SEPTIN9: variants seen among roughly 807,000 people sequenced by gnomAD.
SEPTIN9 encodes the protein septin-9.
In SEPTIN9, 13 loss-of-function variants were observed where a neutral mutation model predicts 56.6. That is an observed-to-expected ratio of 0.23 (90% CI 0.15 to 0.37). SEPTIN9 has a LOEUF of 0.37. Ranked by LOEUF, SEPTIN9 falls within the 10% of genes least tolerant of loss-of-function variation. The pLI, the probability that SEPTIN9 is intolerant of heterozygous loss-of-function variation, is 1.00. For synonymous variants in SEPTIN9, 332 were observed against 334.1 expected, an observed-to-expected ratio of 0.99 and a Z score of 0.07; for missense variants, 650 against 823.1, an observed-to-expected ratio of 0.79 and a Z score of 2.57.
At chr17:77,359,840 C>A (rs575915540) in intron 2 of SEPTIN9, among the ~76,000 whole-genome samples, 1 of 150,384 alleles carries the variant, frequency 6.6e-6, no homozygotes, top group Non-Finnish European at 1.5e-5. Flanking sequence ...GAAAAAAAAT[C>A]ATGAGCACAT....
intron 3 of SEPTIN9, among the ~76,000 whole-genome samples, chr17:77,413,964 T>TCTCC (rs1667703202): frequency 6.8e-6 from 1 of 148,048 alleles, no homozygotes. Flanking sequence ...TTTTCCCCTC[T>TCTCC]CTCTTTTTTT....
rs181051915 is a variant in SEPTIN9, at chr17:77,363,215, G to C, written c.77-38844G>C. On this transcript the variant is annotated intron_variant, in intron 2 of 11. Transcript: ENST00000427177. ...GGACCCAAGACCCTGGGGAAGGCAC[G>C]AGTCAGGGGCCTGCTAGAGCCAGGA... 3.2e-3 allele frequency among the ~76,000 whole-genome samples: 480 copies of C among 152,242 alleles called. 1 individual carries two copies. The highest frequency in any genetic ancestry group is 0.011 in the African/African-American group (438 of 41,526).
Position 77,307,160 on chromosome 17 carries a change from T to TGGCCGGCTCCGGA in SEPTIN9, c.43_55dup (p.Leu19ProfsTer7). 1 of 1,613,938 alleles carries TGGCCGGCTCCGGA rather than the reference T, an allele frequency of 6.2e-7. No individual in the cohort carries two copies. The highest frequency in any genetic ancestry group is 8.5e-7 in the Non-Finnish European group (1 of 1,179,878). On this transcript the variant is annotated frameshift_variant, in exon 2 of 12. Transcript: ENST00000427177. LOFTEE classifies it high-confidence loss of function. Reference sequence around the variant, plus strand: ...CTTTAGGAGGCACGCGGACCTCCAGTGGCCGGCTCCGGAGGCTTGGTGACT... The same window carrying TGGCCGGCTCCGGA: ...CTTTAGGAGGCACGCGGACCTCCAGTGGCCGGCTCCGGAGGCCGGCTCCGGAGGCTTGGTGACT...
At position 77,487,893 on chromosome 17, in the gene SEPTIN9, A is replaced by G. The variant is rs1222402813; in HGVS notation, c.1042+341A>G. Among the ~76,000 whole-genome samples the G allele has an allele frequency of 6.6e-6, 1 of 152,124 alleles. No individual in the cohort carries two copies. Among genetic ancestry groups the G allele is most frequent in the Non-Finnish European group, 1.5e-5 (1 of 68,006 alleles). Reference sequence around the variant, plus strand: ...GGTGTGAGGGTGCCCGAGTCAGGCAATCCCAGGTCCCCAAGACGGGGACTC... The same window carrying G: ...GGTGTGAGGGTGCCCGAGTCAGGCAGTCCCAGGTCCCCAAGACGGGGACTC... On this transcript the variant is annotated intron_variant, in intron 5 of 11. Transcript: ENST00000427177. The surrounding 1 kb of genome is among the most constrained non-coding windows in gnomAD (Gnocchi z 4.3).
intron 2 of SEPTIN9, among the ~76,000 whole-genome samples, chr17:77,341,807 G>T (rs1358051276): frequency 6.6e-6 from 1 of 150,386 alleles, no homozygotes; most frequent in Non-Finnish European, 1.5e-5. Flanking sequence ...AAAGGGCCGG[G>T]CGCAGTGGCT....
At chr17:77,382,023 TTTTC>T (rs571364407) in intron 2 of SEPTIN9, among the ~76,000 whole-genome samples, 7 of 152,034 alleles carry the variant, frequency 4.6e-5, no homozygotes, top group East Asian at 1.9e-4. Context: ...CTTTTTTTCT[TTTTC>T]TTTCTTTCTT....
intron 1 of SEPTIN9, among the ~76,000 whole-genome samples, chr17:77,298,077 C>A (rs2031893531): frequency 6.6e-6 from 1 of 152,170 alleles, no homozygotes; most frequent in Non-Finnish European, 1.5e-5. Context: ...GATGGAGGAC[C>A]CTCCCTCCAA....
rs112393446 is a variant in SEPTIN9 at position 77,489,566 on chromosome 17, G to A, written c.1262+702G>A. 4.4e-3 allele frequency among the ~76,000 whole-genome samples: 669 copies of A among 152,290 alleles called. 5 individuals are homozygous for A. The highest frequency in any genetic ancestry group is 0.015 in the African/African-American group (620 of 41,558). On this transcript the variant is annotated intron_variant, in intron 7 of 11. Coordinates refer to ENST00000427177, the MANE Select transcript of SEPTIN9 (RefSeq NM_001113491.2). ...GCAGGAGTGGCTGGTGGAGGCAGCC[G>A]TGGGTGGCTTGTCTGCATGGGTGGG...
chr17:77,486,872 G>C (rs1420902420), intron 4 of SEPTIN9, among the ~76,000 whole-genome samples: 1 of 152,212 alleles, frequency 6.6e-6, no homozygotes, highest in East Asian at 1.9e-4. Context: ...GCTCACACCA[G>C]CTCCACGGGG....
At chr17:77,466,639 C>T (rs2038745880) in intron 3 of SEPTIN9, 2 of 961,540 alleles carry the variant, frequency 2.1e-6, no homozygotes, top group East Asian at 2.3e-4. Flanking sequence ...AGGCCAGGAC[C>T]AGAAGGCACA....
rs1568117595 is a variant in SEPTIN9 at position 77,488,873 on chromosome 17, C to T, written c.1262+9C>T. 1.2e-6 allele frequency: 2 copies of T among 1,613,196 alleles called. No individual in the cohort carries two copies. The highest frequency in any genetic ancestry group is 3.3e-5 in the Admixed American group (2 of 60,008). ...CCCGCCACCGGCCACTCGTACGTCC[C>T]TGCAGTGTCGGCGTCCTCATGCCGG... is the stretch of plus-strand genomic sequence containing the variant. On this transcript the variant is annotated intron_variant, in intron 7 of 11. Transcript: ENST00000427177.
chr17:77,443,343 G>T (rs1410176983), intron 3 of SEPTIN9, among the ~76,000 whole-genome samples: 1 of 152,116 alleles, frequency 6.6e-6, no homozygotes, highest in African/African-American at 2.4e-5. Context: ...CTACAAAGTG[G>T]TCATCACACG....
chr17:77,281,677 A>C, intron 1 of SEPTIN9, 123 bp downstream of exon 1: 1 of 966,552 alleles, frequency 1.0e-6, no homozygotes, highest in South Asian at 1.7e-5. Context: ...CGGCGGGCAC[A>C]CTGCAGGTCG....
At position 77,293,576 on chromosome 17, in the gene SEPTIN9, T is replaced by A. The variant is rs539864728; in HGVS notation, c.19+12022T>A. On this transcript the variant is annotated intron_variant, in intron 1 of 11. Transcript: ENST00000427177. ...GGCAATCAGCAGGAAATCAAAGTGG[T>A]GTGGGCTTATACAGCCCTCTAAAGG... Among the ~76,000 whole-genome samples, 4 of 152,298 alleles carry A rather than the reference T, an allele frequency of 2.6e-5. No individual in the cohort carries two copies. The East Asian group carries it at 7.7e-4, about 29-fold the overall frequency.
At chr17:77,328,260 G>T (rs1200695902) in intron 2 of SEPTIN9, among the ~76,000 whole-genome samples, 1 of 152,242 alleles carries the variant, frequency 6.6e-6, no homozygotes, top group Non-Finnish European at 1.5e-5. Flanking sequence ...CCACCAACAG[G>T]TGTCAGCTGT....
intron 3 of SEPTIN9, among the ~76,000 whole-genome samples, chr17:77,440,526 T>C (rs576220224): frequency 6.6e-6 from 1 of 152,344 alleles, no homozygotes; most frequent in South Asian, 2.1e-4. Flanking sequence ...AAGGCACAGA[T>C]ACATGAAGCT....
chr17:77,411,305 A>G (rs1037127325), intron 3 of SEPTIN9, among the ~76,000 whole-genome samples: 5 of 152,224 alleles, frequency 3.3e-5, no homozygotes, highest in African/African-American at 1.2e-4. Flanking sequence ...TCAAGAACAC[A>G]AAGGAAATCA....
At chr17:77,332,881 C>G (rs539472951) in intron 2 of SEPTIN9, among the ~76,000 whole-genome samples, 18 of 152,288 alleles carry the variant, frequency 1.2e-4, no homozygotes, top group Admixed American at 2.0e-4. Context: ...TTGAAAGACC[C>G]CTGGCTGTTT....
rs1249738398 is a variant in SEPTIN9, at chr17:77,329,215, G to T, written c.76+22018G>T. ...CAGGGGCAGGCAGGGAGGCCTGCTA[G>T]GGAGGAGGCTGCTGCAGGCCCTGCA... On this transcript the variant is annotated intron_variant, in intron 2 of 11. Coordinates refer to ENST00000427177, the MANE Select transcript of SEPTIN9 (RefSeq NM_001113491.2). The surrounding 1 kb of genome is among the most constrained non-coding windows in gnomAD (Gnocchi z 4.3). 6.6e-6 allele frequency among the ~76,000 whole-genome samples: 1 copy of T among 152,228 alleles called. No homozygotes were observed. The highest frequency in any genetic ancestry group is 2.4e-5 in the African/African-American group (1 of 41,476).
Sources: gnomAD v4.1 joint callset for allele counts (sites outside exome capture counted in the v4.1 genomes callset) on GRCh38, gnomAD v4.1.1 for gene constraint, Gnocchi (gnomAD v3.1) non-coding constraint, MANE v1.5 for transcripts, NCBI Gene and HGNC (gene_info 2026-07-23, HGNC 2026-07-21) for gene names.